KLHL29: variants seen among roughly 807,000 people sequenced by gnomAD.
The protein encoded by KLHL29 is kelch like family member 29.
KLHL29 carries 21 observed loss-of-function variants against 80.4 expected under a neutral mutation model. The observed-to-expected ratio is 0.26, with a 90% CI of 0.19 to 0.38. KLHL29 has a LOEUF of 0.38. KLHL29 is among the 10% of genes least tolerant of loss of function. The probability of loss-of-function intolerance (pLI) is 1.00; values close to 1 mark genes in which losing one functional copy is unlikely to be tolerated. For synonymous variants in KLHL29, 511 were observed against 526.8 expected, an observed-to-expected ratio of 0.97 and a Z score of 0.41; for missense variants, 867 against 1,223.9, an observed-to-expected ratio of 0.71 and a Z score of 4.35.
At chr2:23,426,859 C>T (rs1663018070) in intron 1 of KLHL29, among the ~76,000 whole-genome samples, 1 of 152,188 alleles carries the variant, frequency 6.6e-6, no homozygotes, top group Non-Finnish European at 1.5e-5. Context: ...TACAGTCTGC[C>T]ATGAGGGTGA....
intron 5 of KLHL29, among the ~76,000 whole-genome samples, chr2:23,653,565 G>A (rs970532814): frequency 2.0e-5 from 3 of 152,166 alleles, no homozygotes; most frequent in Non-Finnish European, 2.9e-5. Context: ...GACAAGACAC[G>A]CACCACTCAC....
intron 3 of KLHL29, among the ~76,000 whole-genome samples, chr2:23,576,531 A>G (rs1366578017): frequency 1.3e-5 from 2 of 152,192 alleles, no homozygotes; most frequent in South Asian, 2.1e-4. Flanking sequence ...CATGTACCAC[A>G]TCGGGTTCCT....
At position 23,698,871 on chromosome 2, in the gene KLHL29, C is replaced by A. The variant is rs111847861; in HGVS notation, c.2105+2358C>A. Reference sequence around the variant, plus strand: ...GAATAACAAGCTCTCAGGAAATTCGCATTTGGTGCGATGTGCCATCATACT... The same window carrying A: ...GAATAACAAGCTCTCAGGAAATTCGAATTTGGTGCGATGTGCCATCATACT... On this transcript the variant is annotated intron_variant, in intron 11 of 13. Transcript: ENST00000486442. 2.4e-3 allele frequency among the ~76,000 whole-genome samples: 360 copies of A among 152,300 alleles called. 2 individuals are homozygous for A. The highest frequency in any genetic ancestry group is 8.0e-3 in the African/African-American group (333 of 41,566).
chr2:23,654,082 G>A (rs1046210981), intron 5 of KLHL29, among the ~76,000 whole-genome samples: 21 of 152,108 alleles, frequency 1.4e-4, no homozygotes, highest in East Asian at 3.9e-4. Context: ...CACGAGAATC[G>A]CTTGAACCCA....
chr2:23,428,292 C>T (rs2103406590), intron 1 of KLHL29, among the ~76,000 whole-genome samples: 1 of 152,284 alleles, frequency 6.6e-6, no homozygotes, highest in African/African-American at 2.4e-5. Context: ...TTCCGCTGTC[C>T]CCCTGCATGT....
chr2:23,536,177 G>A (rs903091296), intron 2 of KLHL29, among the ~76,000 whole-genome samples: 2 of 152,092 alleles, frequency 1.3e-5, no homozygotes, highest in Non-Finnish European at 2.9e-5. Flanking sequence ...ACCACATATC[G>A]CGCCACTGGT....
At chr2:23,612,016 A>G (rs1381860809) in intron 3 of KLHL29, among the ~76,000 whole-genome samples, 2 of 152,192 alleles carry the variant, frequency 1.3e-5, no homozygotes, top group African/African-American at 4.8e-5. Context: ...GAAAATGTCT[A>G]ACACACGTAT....
chr2:23,445,466 A>G (rs954333177), intron 1 of KLHL29, among the ~76,000 whole-genome samples: 2 of 152,154 alleles, frequency 1.3e-5, no homozygotes, highest in Non-Finnish European at 2.9e-5. Flanking sequence ...TGTCCATTGC[A>G]TGTACTTCTC....
intron 3 of KLHL29, among the ~76,000 whole-genome samples, chr2:23,614,566 A>G (rs937249663): frequency 5.9e-5 from 9 of 152,230 alleles, no homozygotes; most frequent in Admixed American, 1.3e-4. Context: ...AAACATGACA[A>G]CGGCTTAGAG....
At chr2:23,630,317 A>C (rs1285902854) in intron 3 of KLHL29, among the ~76,000 whole-genome samples, 3 of 152,210 alleles carry the variant, frequency 2.0e-5, no homozygotes, top group African/African-American at 7.2e-5. Flanking sequence ...GCATGAGCGC[A>C]GCCTTGATAT....
At chr2:23,551,885 A>G (rs1011598598) in intron 2 of KLHL29, among the ~76,000 whole-genome samples, 1 of 152,256 alleles carries the variant, frequency 6.6e-6, no homozygotes, top group Non-Finnish European at 1.5e-5. Flanking sequence ...CTACTGGACT[A>G]TGGACCACAT....
rs1670710561 is a variant in KLHL29 at position 23,670,931 on chromosome 2, TCTC to T, written c.941-13467_941-13465del. On this transcript the variant is annotated intron_variant, in intron 5 of 13. Coordinates refer to ENST00000486442, the MANE Select transcript of KLHL29 (RefSeq NM_052920.2). The stretch of plus-strand genomic sequence containing the variant: ...CACATGCACGCGCTCTCTCTCTCTC[TCTC>T]TCTCTCTCTCTCTCTCTCTCTCTCT... Among the ~76,000 whole-genome samples, 7 of 8,144 alleles carry T rather than the reference TCTC, an allele frequency of 8.6e-4. 1 individual carries two copies. Among genetic ancestry groups the T allele is most frequent in the Non-Finnish European group, 1.9e-3 (6 of 3,214 alleles). 5.3% of individuals were successfully genotyped at this position (8,144 alleles called of 152,430 possible).
chr2:23,515,890 G>T (rs1374439751), intron 2 of KLHL29, among the ~76,000 whole-genome samples: 2 of 152,214 alleles, frequency 1.3e-5, no homozygotes, highest in African/African-American at 4.8e-5. Flanking sequence ...GAGTTAGTGG[G>T]CACAGAAGGA....
At chr2:23,524,363 A>ACC in intron 2 of KLHL29, 2 of 187,126 alleles carry the variant, frequency 1.1e-5, no homozygotes, top group South Asian at 1.1e-4. Context: ...GTAGCAGGCC[A>ACC]GGAAATACCT....
At chr2:23,540,715 G>C (rs1259006205) in intron 2 of KLHL29, among the ~76,000 whole-genome samples, 2 of 152,240 alleles carry the variant, frequency 1.3e-5, no homozygotes, top group African/African-American at 4.8e-5. Context: ...AGCACAGCCA[G>C]ATTCAGTCAC....
chr2:23,436,676 G>C (rs369856971), intron 1 of KLHL29, among the ~76,000 whole-genome samples: 1 of 152,240 alleles, frequency 6.6e-6, no homozygotes, highest in Non-Finnish European at 1.5e-5. Flanking sequence ...AGTTAGTTAC[G>C]TGGGGACTTG....
chr2:23,597,309 A>ATATATGTG (rs1558402682), intron 3 of KLHL29, among the ~76,000 whole-genome samples: 1 of 100,518 alleles, frequency 9.9e-6, no homozygotes, highest in South Asian at 3.8e-4. Context: ...ATATATATAT[A>ATATATGTG]TGTGTGTGTG....
At chr2:23,605,602 C>T (rs1668692371) in intron 3 of KLHL29, among the ~76,000 whole-genome samples, 3 of 152,138 alleles carry the variant, frequency 2.0e-5, no homozygotes, top group Admixed American at 6.5e-5. Flanking sequence ...ATTTTCAGAA[C>T]ATGTAACTCC....
intron 2 of KLHL29, among the ~76,000 whole-genome samples, chr2:23,534,554 A>G (rs1666604875): frequency 6.6e-6 from 1 of 151,558 alleles, no homozygotes; most frequent in Non-Finnish European, 1.5e-5. Context: ...GCAGCATCAC[A>G]GATGCTAACT....
Sources: gnomAD v4.1 joint callset for allele counts (sites outside exome capture counted in the v4.1 genomes callset) on GRCh38, gnomAD v4.1.1 for gene constraint, MANE v1.5 for transcripts, NCBI Gene and HGNC (gene_info 2026-07-23, HGNC 2026-07-21) for gene names.